CAMSAP1: variants seen among roughly 807,000 people sequenced by gnomAD.
CAMSAP1 encodes the protein calmodulin regulated spectrin associated protein 1, also known as calmodulin-regulated spectrin-associated protein 1.
CAMSAP1 carries 58 observed loss-of-function variants against 143.5 expected under a neutral mutation model. The observed-to-expected ratio is 0.40, with a 90% CI of 0.33 to 0.50. The LOEUF (loss-of-function observed/expected upper bound fraction) is 0.50. Among genes scored for constraint, CAMSAP1 ranks in the 20% least tolerant of loss-of-function variants. CAMSAP1 has a pLI of 0.45. For missense variants in CAMSAP1, 1,969 were observed against 2,115.7 expected (o/e 0.93, Z 1.36); for synonymous variants, 945 against 859.3 (o/e 1.10, Z -1.74).
chr9:135,840,060 T>C (rs1836283399), intron 7 of CAMSAP1, among the ~76,000 whole-genome samples: 1 of 152,064 alleles, frequency 6.6e-6, no homozygotes, highest in Non-Finnish European at 1.5e-5. Context: ...GACCAACCAA[T>C]CACTAGGCAG....
intron 4 of CAMSAP1, among the ~76,000 whole-genome samples, chr9:135,865,093 TAAAG>T (rs1183765149): frequency 6.6e-6 from 1 of 152,174 alleles, no homozygotes; most frequent in African/African-American, 2.4e-5. Flanking sequence ...GTTGATCACT[TAAAG>T]AAGTAACTAG....
At chr9:135,839,777 G>A (rs1308223059) in intron 7 of CAMSAP1, among the ~76,000 whole-genome samples, 2 of 151,958 alleles carry the variant, frequency 1.3e-5, no homozygotes, top group African/African-American at 2.4e-5. Context: ...AGACCCTCAC[G>A]AGCTACTGCC....
In CAMSAP1 at chr9:135,881,707, G is replaced by T; in HGVS notation, c.511C>A (p.Arg171Ser). 6.4e-7 allele frequency: 1 copy of T among 1,551,838 alleles called. No individual in the cohort carries two copies. Among genetic ancestry groups the T allele is most frequent in the Non-Finnish European group, 8.7e-7 (1 of 1,147,024 alleles). ...TTCGAGGCACTGAACGTTGAGAAGCGCTTGACACTGGCCACCACCTTCTCG... is the reference window on the plus strand; with the variant it reads ...TTCGAGGCACTGAACGTTGAGAAGCTCTTGACACTGGCCACCACCTTCTCG... ...SIEKVVASVK[R>S]FSTFSASKEL... is the part of the protein sequence containing the mutation. The change falls in exon 3 of 17, where the codon CGC (arginine) becomes AGC (serine). Residue 171 changes from arginine (R) to serine (S), a missense_variant. By Grantham distance (110) the Arg-to-Ser change is moderately radical. Coordinates refer to ENST00000389532, the MANE Select transcript of CAMSAP1 (RefSeq NM_015447.4).
chr9:135,904,721 C>G (rs1396620160), intron 1 of CAMSAP1, among the ~76,000 whole-genome samples: 1 of 152,066 alleles, frequency 6.6e-6, no homozygotes, highest in Non-Finnish European at 1.5e-5. Flanking sequence ...GTAATCCCAG[C>G]ACTTTGGGAG....
chr9:135,838,939 A>G (rs912191011), intron 7 of CAMSAP1, among the ~76,000 whole-genome samples: 1 of 151,828 alleles, frequency 6.6e-6, no homozygotes, highest in Non-Finnish European at 1.5e-5. Flanking sequence ...TTCTTCAGAG[A>G]CATATCACCA....
In CAMSAP1 at chr9:135,818,369, G is replaced by T. The variant is rs1409695472; in HGVS notation, c.4168+39C>A. The T allele has an allele frequency of 3.9e-6, 6 of 1,522,016 alleles. No homozygotes were observed. Among genetic ancestry groups the T allele is most frequent in the Non-Finnish European group, 5.3e-6 (6 of 1,135,906 alleles). 94.3% of individuals were successfully genotyped at this position (1,522,016 alleles called of 1,614,324 possible). On this transcript the variant is annotated intron_variant, in intron 13 of 16. Transcript: ENST00000389532. The surrounding 1 kb of genome is among the most constrained non-coding windows in gnomAD (Gnocchi z 7.7). ...GAAGAACGTGAGGCCGCCGCCCGCG[G>T]AAGGAAGCGCTGCCCGCGTGAGGGC...
intron 3 of CAMSAP1, among the ~76,000 whole-genome samples, chr9:135,876,304 T>G (rs952750373): frequency 1.3e-5 from 2 of 152,208 alleles, no homozygotes; most frequent in Non-Finnish European, 2.9e-5. Flanking sequence ...GTGGCCGGCC[T>G]GGGAGAAGAT....
rs1456369401 is a variant in CAMSAP1, at chr9:135,883,023, C to A, written c.216G>T (p.Glu72Asp). 6.4e-7 allele frequency: 1 copy of A among 1,551,708 alleles called. No homozygotes were observed. Among genetic ancestry groups the A allele is most frequent in the Admixed American group, 2.0e-5 (1 of 51,010 alleles). Reference protein sequence around the residue: ...DPFYVDQYEQEHIKPPVIKLL... With the variant: ...DPFYVDQYEQDHIKPPVIKLL... ...GCTTGATAACAGGCGGCTTAATGTG[C>A]TCCTGCTCATACTGGTCAACGTAGA... The change falls in exon 2 of 17, where the codon GAG (glutamate) becomes GAT (aspartate). Residue 72 changes from glutamate to aspartate, a missense_variant. By Grantham distance (45) the Glu-to-Asp change is conservative. Coordinates refer to ENST00000389532, the MANE Select transcript of CAMSAP1 (RefSeq NM_015447.4).
intron 14 of CAMSAP1, among the ~76,000 whole-genome samples, chr9:135,817,429 T>C (rs564801522): frequency 2.0e-5 from 3 of 152,344 alleles, no homozygotes; most frequent in African/African-American, 7.2e-5. Context: ...TCTCACTCTG[T>C]TGCCCAGGCT....
At position 135,855,283 on chromosome 9, in the gene CAMSAP1, C is replaced by T. The variant is rs777625301; in HGVS notation, c.809-4822G>A. ...CTGGGATTACAGGCGTGAGCCACTG[C>T]GCCCGGTCTTAGCTCCCACTTGTTA... is the stretch of plus-strand genomic sequence containing the variant. On this transcript the variant is annotated intron_variant, in intron 5 of 16. Transcript: ENST00000389532. Among the ~76,000 whole-genome samples the T allele has an allele frequency of 7.9e-5, 12 of 152,212 alleles. No homozygotes were observed. In the South Asian group the frequency reaches 1.7e-3, roughly 21 times the overall value.
rs574249602 is a variant in CAMSAP1, at chr9:135,882,187, G to A, written c.424-393C>T. Among the ~76,000 whole-genome samples, 31 of 152,296 alleles carry A rather than the reference G, an allele frequency of 2.0e-4. No individual in the cohort carries two copies. The South Asian group carries it at 6.2e-3, about 31-fold the overall frequency. ...GCCCCAGGCCAACTGCCCACCAGAG[G>A]CCTCTGGCTCCTAGTCCAGAGCTCT... is the stretch of plus-strand genomic sequence containing the variant. On this transcript the variant is annotated intron_variant, in intron 2 of 16. Coordinates refer to ENST00000389532, the MANE Select transcript of CAMSAP1 (RefSeq NM_015447.4). This position sits in a 1 kb window ranked among gnomAD's most constrained non-coding sequence, Gnocchi z 4.9.
intron 3 of CAMSAP1, among the ~76,000 whole-genome samples, chr9:135,875,211 ATTT>A (rs56899993): frequency 6.8e-6 from 1 of 147,068 alleles, no homozygotes; most frequent in African/African-American, 2.5e-5. Context: ...AGTGAAAACA[ATTT>A]TTTTTTTTTT....
intron 15 of CAMSAP1, 22 bp from the exon 16 acceptor site, chr9:135,815,237 G>C: frequency 6.5e-7 from 1 of 1,527,228 alleles, no homozygotes; most frequent in Non-Finnish European, 8.9e-7. Flanking sequence ...GGCCAGGGTT[G>C]GTAAAATTAT....
intron 1 of CAMSAP1, among the ~76,000 whole-genome samples, chr9:135,884,633 T>C (rs371584611): frequency 5.9e-5 from 9 of 152,198 alleles, no homozygotes; most frequent in African/African-American, 2.2e-4. Context: ...ATCCTATACT[T>C]GCTGACCACA....
At chr9:135,823,401 G>A (rs764585747) in intron 10 of CAMSAP1, 141 bp from the exon 11 acceptor site, 83 of 962,908 alleles carry the variant, frequency 8.6e-5, no homozygotes, top group Non-Finnish European at 1.1e-4. Flanking sequence ...CTTCCACAGA[G>A]CAGAAGAAAA....
chr9:135,866,341 C>T (rs1018782671), intron 4 of CAMSAP1, 115 bp downstream of exon 4: 3 of 644,526 alleles, frequency 4.7e-6, no homozygotes, highest in Admixed American at 2.5e-5. Context: ...AGACTAGCTG[C>T]TTCTTTGGTG....
chr9:135,813,438 A>G (rs896230617), intron 16 of CAMSAP1, among the ~76,000 whole-genome samples: 2 of 152,250 alleles, frequency 1.3e-5, no homozygotes, highest in African/African-American at 2.4e-5. Flanking sequence ...AACTGTCTAT[A>G]TAATACTGAT....
intron 4 of CAMSAP1, among the ~76,000 whole-genome samples, chr9:135,864,924 G>A (rs1000044527): frequency 6.6e-6 from 1 of 151,764 alleles, no homozygotes; most frequent in Non-Finnish European, 1.5e-5. Context: ...CCGCATACCT[G>A]GACCACCCAG....
chr9:135,903,005 G>A (rs1457954371), intron 1 of CAMSAP1, among the ~76,000 whole-genome samples: 1 of 152,198 alleles, frequency 6.6e-6, no homozygotes, highest in African/African-American at 2.4e-5. Flanking sequence ...GCTAGTACTT[G>A]CCCTGGGTTG....
Sources: allele counts gnomAD v4.1 joint callset (sites outside exome capture counted in the v4.1 genomes callset), GRCh38; gene constraint gnomAD v4.1.1; non-coding constraint Gnocchi (gnomAD v3.1); transcripts MANE v1.5; gene names NCBI Gene and HGNC (gene_info 2026-07-23, HGNC 2026-07-21).